The following RPS6KC1 variants were observed in gnomAD, a reference collection of about 807,000 sequenced individuals.
RPS6KC1 encodes the protein inactive ribosomal protein S6 kinase delta-1.
Under a neutral mutation model 103.8 loss-of-function variants are expected in RPS6KC1, and 54 were observed. That is an observed-to-expected ratio of 0.52 (90% CI 0.42 to 0.65). The LOEUF (loss-of-function observed/expected upper bound fraction) is 0.65. Ranked by LOEUF, RPS6KC1 falls within the 30% of genes least tolerant of loss-of-function variation. The probability of loss-of-function intolerance (pLI) is 0.00; values close to 1 mark genes in which losing one functional copy is unlikely to be tolerated. For missense variants in RPS6KC1, 1,151 were observed against 1,253.8 expected, an observed-to-expected ratio of 0.92 and a Z score of 1.24; for synonymous variants, 439 against 438.7, an observed-to-expected ratio of 1.00 and a Z score of -0.01.
the RPS6KC1 span, among the ~76,000 whole-genome samples, chr1:213,686,347 T>G: frequency 6.6e-6 from 1 of 152,142 alleles, no homozygotes; most frequent in African/African-American, 2.4e-5. Context: ...CTGAGGTCAG[T>G]GTAGTTCAAA....
rs377664778 is a variant in RPS6KC1 at position 213,255,707 on chromosome 1, C to T, written c.2912-5851C>T. 1.2e-3 allele frequency among the ~76,000 whole-genome samples: 187 copies of T among 152,216 alleles called. 6 individuals carry two copies. The South Asian group carries it at 0.037, about 30-fold the overall frequency. ...ATATTTAAGGATGTTAAAAGGGCAA[C>T]CAAATAAAGTCCTTTGTTCTGATAA... On this transcript the variant is annotated intron_variant, in intron 12 of 14. Coordinates refer to ENST00000366960, the MANE Select transcript of RPS6KC1 (RefSeq NM_012424.6).
chr1:213,405,004 C>T, the RPS6KC1 span, among the ~76,000 whole-genome samples: 1 of 152,212 alleles, frequency 6.6e-6, no homozygotes, highest in Non-Finnish European at 1.5e-5. Context: ...CCTTTCAATT[C>T]TGCGGCGTAA....
At chr1:213,351,328 G>A in the RPS6KC1 span, among the ~76,000 whole-genome samples, 1 of 152,190 alleles carries the variant, frequency 6.6e-6, no homozygotes, top group Non-Finnish European at 1.5e-5. Context: ...AAGCGCAAAA[G>A]GCTTTAATTG....
rs764745657 is a variant in RPS6KC1, at chr1:213,205,547, GAT to G, written c.1045-24931_1045-24930del. 4.7e-3 allele frequency among the ~76,000 whole-genome samples: 484 copies of G among 102,468 alleles called. 29 individuals carry two copies. The highest frequency in any genetic ancestry group is 7.0e-3 in the Non-Finnish European group (355 of 50,658). 67.2% of individuals were successfully genotyped at this position (102,468 alleles called of 152,430 possible). Reference sequence around the variant, plus strand: ...AACAACAAACTCATTTATATATATAGATATATATATATATATATATTTCAAAA... The same window carrying G: ...AACAACAAACTCATTTATATATATAGATATATATATATATATATTTCAAAA... On this transcript the variant is annotated intron_variant, in intron 8 of 14. Coordinates refer to ENST00000366960, the MANE Select transcript of RPS6KC1 (RefSeq NM_012424.6).
the RPS6KC1 span, among the ~76,000 whole-genome samples, chr1:213,369,081 A>G: frequency 2.0e-5 from 3 of 152,230 alleles, no homozygotes; most frequent in African/African-American, 7.2e-5. Flanking sequence ...TTTTCTGTTT[A>G]CATAGTGGAA....
intron 4 of RPS6KC1, among the ~76,000 whole-genome samples, chr1:213,114,004 G>T (rs1334659538): frequency 1.3e-5 from 2 of 152,044 alleles, no homozygotes; most frequent in Non-Finnish European, 2.9e-5. Context: ...GATGCCTCCA[G>T]CTTTGTTCTT....
intron 9 of RPS6KC1, among the ~76,000 whole-genome samples, chr1:213,231,739 G>T (rs2094108915): frequency 6.6e-6 from 1 of 152,146 alleles, no homozygotes; most frequent in Non-Finnish European, 1.5e-5. Flanking sequence ...AATACCTTTT[G>T]TGTCTCAGGA....
the RPS6KC1 span, among the ~76,000 whole-genome samples, chr1:213,722,258 G>T: frequency 6.6e-6 from 1 of 152,136 alleles, no homozygotes; most frequent in Non-Finnish European, 1.5e-5. Flanking sequence ...GACTGGTCTT[G>T]TCATGTCTCA....
intron 8 of RPS6KC1, among the ~76,000 whole-genome samples, chr1:213,209,970 C>T (rs574935867): frequency 1.6e-4 from 24 of 152,212 alleles, no homozygotes; most frequent in Non-Finnish European, 3.2e-4. Flanking sequence ...CATGCTAATG[C>T]ATTATAATTA....
chr1:213,460,924 C>T, the RPS6KC1 span, among the ~76,000 whole-genome samples: 35,471 of 151,990 alleles, frequency 0.23, 4,297 homozygotes, highest in East Asian at 0.29. Flanking sequence ...GCCCCCACTC[C>T]CTTCTGGCAT....
At chr1:213,591,398 C>A in the RPS6KC1 span, among the ~76,000 whole-genome samples, 3 of 152,154 alleles carry the variant, frequency 2.0e-5, no homozygotes, top group African/African-American at 7.2e-5. Context: ...AAATTCCCAA[C>A]AGCCACTAAA....
At chr1:213,745,808 G>C in the RPS6KC1 span, among the ~76,000 whole-genome samples, 1 of 152,114 alleles carries the variant, frequency 6.6e-6, no homozygotes, top group African/African-American at 2.4e-5. Flanking sequence ...TCCTGGGAAG[G>C]CTCAGTGCTT....
the RPS6KC1 span, among the ~76,000 whole-genome samples, chr1:213,532,229 G>A: frequency 4.0e-3 from 603 of 152,298 alleles, 8 homozygotes; most frequent in African/African-American, 0.013. Context: ...GGGGTGGGGA[G>A]CGGCCAAGGC....
At chr1:213,311,050 T>C in the RPS6KC1 span, among the ~76,000 whole-genome samples, 448 of 152,098 alleles carry the variant, frequency 2.9e-3, 2 homozygotes, top group African/African-American at 0.011. Context: ...GTTAGGAGGG[T>C]GCTGGGAGTC....
At chr1:213,487,250 G>T in the RPS6KC1 span, among the ~76,000 whole-genome samples, 1 of 152,122 alleles carries the variant, frequency 6.6e-6, no homozygotes, top group Non-Finnish European at 1.5e-5. Context: ...AAAAAAATTA[G>T]CTGGGTGTGG....
chr1:213,526,931 C>A, the RPS6KC1 span, among the ~76,000 whole-genome samples: 1 of 152,176 alleles, frequency 6.6e-6, no homozygotes, highest in East Asian at 1.9e-4. Context: ...AATCCTTCCA[C>A]AATTCTATGA....
chr1:213,219,147 A>T (rs1430965208), intron 8 of RPS6KC1, among the ~76,000 whole-genome samples: 1 of 152,236 alleles, frequency 6.6e-6, no homozygotes, highest in Non-Finnish European at 1.5e-5. Flanking sequence ...ATCTACAATG[A>T]ACTCCAACAA....
the RPS6KC1 span, chr1:213,821,204 CT>C: frequency 6.6e-6 from 1 of 152,634 alleles, no homozygotes; most frequent in Non-Finnish European, 1.5e-5. Flanking sequence ...CTCCCTGTGC[CT>C]TTTCCATCTC....
chr1:213,639,324 C>T, the RPS6KC1 span, among the ~76,000 whole-genome samples: 3 of 151,936 alleles, frequency 2.0e-5, no homozygotes, highest in African/African-American at 7.3e-5. Context: ...ATCGATCTGC[C>T]TTTTATTCCT....
Sources: gnomAD v4.1 joint callset for allele counts (sites outside exome capture counted in the v4.1 genomes callset) on GRCh38, gnomAD v4.1.1 for gene constraint, MANE v1.5 for transcripts, NCBI Gene and HGNC (gene_info 2026-07-23, HGNC 2026-07-21) for gene names.